The following IMMP2L variants were observed in gnomAD, a reference collection of about 807,000 sequenced individuals.
The protein encoded by IMMP2L is mitochondrial inner membrane protease subunit 2.
IMMP2L carries 18 observed loss-of-function variants against 19.3 expected under a neutral mutation model. That is an observed-to-expected ratio of 0.93 (90% CI 0.64 to 1.38). IMMP2L has a LOEUF of 1.38. Ranked by LOEUF, IMMP2L falls within the 40% of genes most tolerant of loss-of-function variation. The pLI, the probability that IMMP2L is intolerant of heterozygous loss-of-function variation, is 0.00. For synonymous variants in IMMP2L, 76 were observed against 73.0 expected (o/e 1.04, Z -0.21); for missense variants, 233 against 218.2 (o/e 1.07, Z -0.43).
chr7:110,772,602 G>C (rs965516556), intron 5 of IMMP2L, among the ~76,000 whole-genome samples: 1 of 152,120 alleles, frequency 6.6e-6, no homozygotes, highest in African/African-American at 2.4e-5. Context: ...AGGGAATGAT[G>C]CTTCTCTAAC....
chr7:111,407,711 C>A (rs924846308), intron 3 of IMMP2L, among the ~76,000 whole-genome samples: 7 of 151,886 alleles, frequency 4.6e-5, no homozygotes, highest in Admixed American at 2.6e-4. Context: ...TTAAAACATT[C>A]CAAAATTGGA....
intron 3 of IMMP2L, among the ~76,000 whole-genome samples, chr7:111,387,596 TG>T (rs1431393454): frequency 1.3e-5 from 2 of 152,182 alleles, no homozygotes; most frequent in East Asian, 3.8e-4. Flanking sequence ...CTAGCATGTA[TG>T]CCAGTGTTAT....
intron 3 of IMMP2L, among the ~76,000 whole-genome samples, chr7:111,323,283 C>A (rs1269767156): frequency 6.6e-6 from 1 of 151,900 alleles, no homozygotes; most frequent in Non-Finnish European, 1.5e-5. Context: ...TGAACTCAAA[C>A]AAATTTACAA....
At chr7:110,882,243 AAACATTTC>A (rs1809715831) in intron 5 of IMMP2L, among the ~76,000 whole-genome samples, 1 of 151,874 alleles carries the variant, frequency 6.6e-6, no homozygotes, top group East Asian at 1.9e-4. Context: ...TGACTACTTT[AAACATTTC>A]CCAAAACTCA....
At chr7:110,731,572 A>G (rs1049510896) in intron 5 of IMMP2L, among the ~76,000 whole-genome samples, 1 of 152,184 alleles carries the variant, frequency 6.6e-6, no homozygotes, top group African/African-American at 2.4e-5. Context: ...CTATACACGC[A>G]ATGGTCCTGA....
At chr7:111,438,801 C>T (rs1837441664) in intron 3 of IMMP2L, among the ~76,000 whole-genome samples, 1 of 151,704 alleles carries the variant, frequency 6.6e-6, no homozygotes. Context: ...CATTCTACAC[C>T]CCTAACACAA....
At chr7:111,030,181 C>T (rs1039778471) in intron 3 of IMMP2L, among the ~76,000 whole-genome samples, 2 of 152,072 alleles carry the variant, frequency 1.3e-5, no homozygotes, top group Admixed American at 6.6e-5. Context: ...GAACCTATTG[C>T]ATCTAATCAC....
chr7:111,491,732 T>C (rs904050623), intron 2 of IMMP2L, among the ~76,000 whole-genome samples: 1 of 152,264 alleles, frequency 6.6e-6, no homozygotes, highest in Admixed American at 6.5e-5. Context: ...TATCTCCCTC[T>C]TCCTCTCTGT....
chr7:111,139,610 C>T (rs1368125080), intron 3 of IMMP2L, among the ~76,000 whole-genome samples: 1 of 152,056 alleles, frequency 6.6e-6, no homozygotes, highest in Non-Finnish European at 1.5e-5. Flanking sequence ...ATTAGCCTAA[C>T]CCTGATATGC....
intron 3 of IMMP2L, among the ~76,000 whole-genome samples, chr7:111,349,481 C>T (rs1281037655): frequency 1.3e-5 from 2 of 152,156 alleles, no homozygotes; most frequent in Admixed American, 1.3e-4. Context: ...AGTTAATTTA[C>T]ATCAGGTGCC....
intron 3 of IMMP2L, among the ~76,000 whole-genome samples, chr7:110,978,896 C>G (rs924379702): frequency 1.3e-5 from 2 of 151,990 alleles, no homozygotes; most frequent in East Asian, 3.8e-4. Flanking sequence ...AAGCTACAAT[C>G]CTGCTCAATT....
At chr7:111,048,080 A>G (rs1246609312) in intron 3 of IMMP2L, among the ~76,000 whole-genome samples, 1 of 151,546 alleles carries the variant, frequency 6.6e-6, no homozygotes, top group African/African-American at 2.4e-5. Context: ...TCTACTAAAA[A>G]ATACAAAAAA....
intron 3 of IMMP2L, among the ~76,000 whole-genome samples, chr7:111,358,779 G>A (rs922250049): frequency 6.6e-6 from 1 of 152,084 alleles, no homozygotes. Context: ...AACCAAGGGA[G>A]ACAACTGGAA....
At chr7:111,484,597 A>G (rs1842468762) in intron 3 of IMMP2L, among the ~76,000 whole-genome samples, 1 of 152,160 alleles carries the variant, frequency 6.6e-6, no homozygotes, top group Admixed American at 6.5e-5. Flanking sequence ...CAATGTAGTA[A>G]CAAAAATTAT....
At chr7:111,229,047 T>A (rs1263239088) in intron 3 of IMMP2L, among the ~76,000 whole-genome samples, 1 of 151,056 alleles carries the variant, frequency 6.6e-6, no homozygotes, top group East Asian at 2.0e-4. Flanking sequence ...TTTTAACCAC[T>A]TACTATTAAT....
At chr7:110,672,249 C>T (rs1435028943) in intron 5 of IMMP2L, among the ~76,000 whole-genome samples, 1 of 151,920 alleles carries the variant, frequency 6.6e-6, no homozygotes, top group East Asian at 1.9e-4. Context: ...GGGAAAAGCC[C>T]TTTATAAAAC....
intron 3 of IMMP2L, among the ~76,000 whole-genome samples, chr7:111,047,496 T>C (rs894874391): frequency 3.3e-5 from 5 of 152,102 alleles, no homozygotes; most frequent in African/African-American, 9.7e-5. Flanking sequence ...CCCTTCAAAA[T>C]TTATTTTAAA....
intron 3 of IMMP2L, among the ~76,000 whole-genome samples, chr7:111,304,985 G>C (rs983878912): frequency 6.6e-6 from 1 of 151,938 alleles, no homozygotes; most frequent in Admixed American, 6.6e-5. Flanking sequence ...CTTTGTTGGA[G>C]AAAGTGGCTC....
intron 3 of IMMP2L, among the ~76,000 whole-genome samples, chr7:111,312,930 G>A (rs932624022): frequency 2.0e-5 from 3 of 152,112 alleles, no homozygotes; most frequent in African/African-American, 7.2e-5. Flanking sequence ...AGTTGTTGAA[G>A]GGGTTAGAAA....
Sources: allele counts gnomAD v4.1 joint callset (sites outside exome capture counted in the v4.1 genomes callset), GRCh38; gene constraint gnomAD v4.1.1; transcripts MANE v1.5; gene names NCBI Gene and HGNC (gene_info 2026-07-23, HGNC 2026-07-21).